Variants in PCDH9 observed in about 807,000 individuals in gnomAD.
PCDH9 encodes protocadherin 9, also known as protocadherin-9.
Under a neutral mutation model 70.6 loss-of-function variants are expected in PCDH9, and 24 were observed. That is an observed-to-expected ratio of 0.34 (90% CI 0.25 to 0.48). PCDH9 has a LOEUF of 0.48. Ranked by LOEUF, PCDH9 falls within the 20% of genes least tolerant of loss-of-function variation. PCDH9 has a pLI of 0.99. For synonymous variants in PCDH9, 562 were observed against 558.5 expected (o/e 1.01, Z -0.09); for missense variants, 1,281 against 1,503.6 (o/e 0.85, Z 2.45).
intron 2 of PCDH9, among the ~76,000 whole-genome samples, chr13:67,101,824 A>G (rs1594513684): frequency 6.6e-6 from 1 of 152,308 alleles, no homozygotes; most frequent in East Asian, 1.9e-4. Context: ...GTAAGAAAGA[A>G]ATTAAAACAA....
At chr13:66,355,665 C>T (rs1050978907) in intron 4 of PCDH9, among the ~76,000 whole-genome samples, 3 of 152,024 alleles carry the variant, frequency 2.0e-5, no homozygotes, top group African/African-American at 7.2e-5. Flanking sequence ...TAACAATATA[C>T]ATTAAATAAG....
intron 3 of PCDH9, among the ~76,000 whole-genome samples, chr13:66,851,832 C>T (rs559394606): frequency 6.6e-6 from 1 of 152,194 alleles, no homozygotes; most frequent in Admixed American, 6.5e-5. Context: ...GACTAGGTGG[C>T]TTAAAAAACA....
Position 67,226,072 on chromosome 13 carries a change from C to A in PCDH9, c.2369G>T (p.Arg790Met). The A allele has an allele frequency of 1.2e-6, 2 of 1,614,046 alleles. No individual in the cohort carries two copies. The highest frequency in any genetic ancestry group is 1.7e-6 in the Non-Finnish European group (2 of 1,179,984). The change falls in exon 2 of 5, where the codon AGG becomes ATG. Residue 790 changes from arginine (R) to methionine (M), a missense_variant. Arg to Met is a moderately conservative substitution (Grantham distance 91). This residue lies in a region of PCDH9 where 798 missense variants were observed against 1,003.1 expected (regional missense o/e 0.80). Transcript: ENST00000377865. The surrounding 1 kb of genome is among the most constrained non-coding windows in gnomAD (Gnocchi z 5.0). Reference sequence around the variant, plus strand: ...CCTGTCCAACGGGGTCTCCATAGTCCTGCGGATCAAGTCATAGATATAGGA... The same window carrying A: ...CCTGTCCAACGGGGTCTCCATAGTCATGCGGATCAAGTCATAGATATAGGA... ...NASYIYDLIR[R>M]TMETPLDRNI...
At chr13:66,457,049 C>T (rs974277811) in intron 4 of PCDH9, among the ~76,000 whole-genome samples, 4 of 151,914 alleles carry the variant, frequency 2.6e-5, no homozygotes, top group African/African-American at 7.3e-5. Flanking sequence ...TTCATGTTTT[C>T]TAGAGGGAGA....
intron 4 of PCDH9, among the ~76,000 whole-genome samples, chr13:66,481,464 T>C (rs1958835276): frequency 6.6e-6 from 1 of 152,172 alleles, no homozygotes; most frequent in Non-Finnish European, 1.5e-5. Flanking sequence ...CTATAAAGTA[T>C]TCATAAATTA....
intron 3 of PCDH9, among the ~76,000 whole-genome samples, chr13:66,744,189 A>T (rs1291095339): frequency 6.6e-6 from 1 of 152,232 alleles, no homozygotes; most frequent in Admixed American, 6.5e-5. Flanking sequence ...TTAAACGATC[A>T]ACAATTCCTG....
intron 3 of PCDH9, among the ~76,000 whole-genome samples, chr13:66,881,755 A>C (rs1294019987): frequency 6.6e-6 from 1 of 152,168 alleles, no homozygotes; most frequent in Non-Finnish European, 1.5e-5. Flanking sequence ...GCCTTCTATA[A>C]ATATCTAATT....
chr13:67,172,819 G>A (rs915700953), intron 2 of PCDH9, among the ~76,000 whole-genome samples: 1 of 149,894 alleles, frequency 6.7e-6, no homozygotes, highest in African/African-American at 2.5e-5. Flanking sequence ...TGTAGGGTGC[G>A]GTGAGGCGAG....
intron 4 of PCDH9, among the ~76,000 whole-genome samples, chr13:66,472,411 A>T (rs1958638848): frequency 6.6e-6 from 1 of 151,796 alleles, no homozygotes. Context: ...CTCTACAAAA[A>T]ATTTTAACAA....
intron 2 of PCDH9, among the ~76,000 whole-genome samples, chr13:67,197,721 T>C (rs2089106291): frequency 6.6e-6 from 1 of 151,964 alleles, no homozygotes; most frequent in South Asian, 2.1e-4. Flanking sequence ...AGCAAATATA[T>C]TTCTGTTATA....
intron 2 of PCDH9, among the ~76,000 whole-genome samples, chr13:67,061,797 C>T (rs769225509): frequency 2.6e-5 from 4 of 152,126 alleles, no homozygotes; most frequent in Admixed American, 2.6e-4. Context: ...CATTCTCAAA[C>T]ATTTTCAGGT....
chr13:66,682,358 ATCTATCTATCTATCTATC>A (rs2078336687), intron 3 of PCDH9, among the ~76,000 whole-genome samples: 2 of 9,090 alleles, frequency 2.2e-4, no homozygotes, highest in Non-Finnish European at 3.9e-4. Context: ...TTTATTATCT[ATCTATCTATCTATCTATC>A]TATCTATCTA....
At chr13:66,336,456 C>A (rs1956039564) in intron 4 of PCDH9, among the ~76,000 whole-genome samples, 1 of 151,738 alleles carries the variant, frequency 6.6e-6, no homozygotes, top group East Asian at 1.9e-4. Flanking sequence ...ACAAAGCTAT[C>A]TCAATGATTT....
At chr13:66,520,033 C>T (rs139672763) in intron 4 of PCDH9, among the ~76,000 whole-genome samples, 4 of 152,190 alleles carry the variant, frequency 2.6e-5, no homozygotes, top group African/African-American at 9.6e-5. Context: ...AAAAAGTGAG[C>T]GGGCCTTGTC....
chr13:66,592,210 T>C (rs923980947), intron 4 of PCDH9, among the ~76,000 whole-genome samples: 5 of 151,672 alleles, frequency 3.3e-5, no homozygotes, highest in African/African-American at 1.2e-4. Context: ...TGCTTTGTGT[T>C]CAACAAAACA....
chr13:66,318,244 T>G (rs1189469879), intron 4 of PCDH9, among the ~76,000 whole-genome samples: 1 of 152,178 alleles, frequency 6.6e-6, no homozygotes, highest in Non-Finnish European at 1.5e-5. Context: ...TTTTATAACA[T>G]CTATATACAT....
intron 3 of PCDH9, among the ~76,000 whole-genome samples, chr13:66,736,093 TTATC>T (rs1382459977): frequency 1.3e-5 from 2 of 152,206 alleles, no homozygotes; most frequent in African/African-American, 2.4e-5. Context: ...GTATCTTTCA[TTATC>T]TATTAATTAA....
chr13:67,213,206 C>CCAAAAA (rs2089507616), intron 2 of PCDH9: 1 of 20,544 alleles, frequency 4.9e-5, no homozygotes, highest in African/African-American at 1.7e-4. Context: ...GACTCCGTCA[C>CCAAAAA]AAAAAAAAAA....
chr13:66,886,732 A>G (rs1171536578), intron 3 of PCDH9, among the ~76,000 whole-genome samples: 1 of 152,190 alleles, frequency 6.6e-6, no homozygotes. Context: ...GCAGTGTGAT[A>G]TGGATGTGTG....
Sources: gnomAD v4.1 joint callset for allele counts (sites outside exome capture counted in the v4.1 genomes callset) on GRCh38, gnomAD v4.1.1 for gene constraint, gnomAD v4.1.1 regional missense constraint, Gnocchi (gnomAD v3.1) non-coding constraint, MANE v1.5 for transcripts, NCBI Gene and HGNC (gene_info 2026-07-23, HGNC 2026-07-21) for gene names.